The following MFGE8 variants were observed in gnomAD, a reference collection of about 807,000 sequenced individuals.
The protein encoded by MFGE8 is milk fat globule EGF and factor V/VIII domain containing.
A neutral mutation model predicts 42.6 loss-of-function variants in MFGE8; 34 were observed. That is an observed-to-expected ratio of 0.80 (90% confidence interval 0.61 to 1.06). The LOEUF (loss-of-function observed/expected upper bound fraction) is 1.06. Among genes scored for constraint, MFGE8 ranks in the 50% least tolerant of loss-of-function variants. MFGE8 has a pLI of 0.00. For synonymous variants in MFGE8, 230 were observed against 214.8 expected (o/e 1.07, Z -0.62); for missense variants, 510 against 516.9 (o/e 0.99, Z 0.13).
chr15:88,913,102 G>A (rs769849437), intron 1 of MFGE8, 145 bp downstream of exon 1: 894 of 1,317,652 alleles, frequency 6.8e-4, no homozygotes, highest in Non-Finnish European at 8.1e-4. Flanking sequence ...AGGGCGCAGC[G>A]GAAGAAGCCG....
intron 1 of MFGE8, chr15:88,912,016 G>T: frequency 1.2e-6 from 1 of 851,770 alleles, no homozygotes; most frequent in Non-Finnish European, 1.7e-6. Flanking sequence ...GTTGGGAATG[G>T]ACTCTTCCCT....
intron 6 of MFGE8, among the ~76,000 whole-genome samples, chr15:88,901,148 TTCTCACACACACATTCACACACATTC>T (rs2141693567): frequency 1.9e-5 from 1 of 51,988 alleles, no homozygotes; most frequent in East Asian, 4.1e-4. Flanking sequence ...CACACACACA[TTCTCACACACACATTCACACACATTC>T]TCACACATTC....
At chr15:88,909,755 T>C (rs377750590) in intron 2 of MFGE8, 37 bp downstream of exon 2, 100 of 1,612,864 alleles carry the variant, frequency 6.2e-5, no homozygotes, top group South Asian at 1.6e-4. Flanking sequence ...CAGGGTCTAC[T>C]GCTAGAAACA....
chr15:88,905,626 G>C lies in MFGE8; in HGVS notation c.685+131C>G, dbSNP rs141304669. ...GGTGACCCCCTAGAGTGCGTTGCCC[G>C]AGTGAAGCCTGGTCCCCGTGCCTTG... On this transcript the variant is annotated intron_variant, in intron 5 of 7. Transcript: ENST00000268150. The surrounding 1 kb of genome is among the most constrained non-coding windows in gnomAD (Gnocchi z 6.6). 4 of 1,287,508 alleles carry C rather than the reference G, an allele frequency of 3.1e-6. 1 individual carries two copies. In the South Asian group the frequency reaches 4.9e-5, roughly 16 times the overall value. The allele number at this position is 1,287,508 out of a possible 1,614,324, so 79.8% of individuals were successfully genotyped here. A position where few individuals can be genotyped will look rare whatever the true frequency, so the allele number is the denominator to read the frequency against.
intron 2 of MFGE8, among the ~76,000 whole-genome samples, chr15:88,907,680 A>G (rs12909463): frequency 0.66 from 99,017 of 149,742 alleles, 33,291 homozygotes; most frequent in African/African-American, 0.78. Context: ...GGGGACAGCC[A>G]TGATTGGCAC....
At chr15:88,904,970 T>C (rs3825992) in intron 5 of MFGE8, 6,924 of 156,338 alleles carry the variant, frequency 0.044, 232 homozygotes, top group East Asian at 0.16. Context: ...TACCCAGACC[T>C]CAGGAAAGCT....
chr15:88,901,175 TCACACATTCACA>T lies in MFGE8; in HGVS notation c.870+364_870+375del, dbSNP rs1221543529. Among the ~76,000 whole-genome samples, 10 of 63,458 alleles carry T rather than the reference TCACACATTCACA, an allele frequency of 1.6e-4. 2 individuals carry two copies. Among genetic ancestry groups the T allele is most frequent in the South Asian group, 4.9e-4 (1 of 2,040 alleles). The allele number at this position is 63,458 out of a possible 152,430, so 41.6% of individuals were successfully genotyped here. On this transcript the variant is annotated intron_variant, in intron 6 of 7. Coordinates refer to ENST00000268150, the MANE Select transcript of MFGE8 (RefSeq NM_005928.4). ...CTCACACACACATTCACACACATTC[TCACACATTCACA>T]CACACATTCACACATTCACACACAC... is the stretch of plus-strand genomic sequence containing the variant.
At chr15:88,912,390 A>G in intron 1 of MFGE8, 1 of 985,174 alleles carries the variant, frequency 1.0e-6, no homozygotes, top group Non-Finnish European at 1.2e-6. Context: ...GGTCAGGCAG[A>G]TCACAGGACA....
At position 88,906,170 on chromosome 15, in the gene MFGE8, A is replaced by G; in HGVS notation, c.541-269T>C. 1.8e-6 allele frequency: 1 copy of G among 548,554 alleles called. No individual in the cohort carries two copies. The highest frequency in any genetic ancestry group is 3.3e-6 in the Non-Finnish European group (1 of 305,154). The allele number at this position is 548,554 out of a possible 1,614,324, so 34.0% of individuals were successfully genotyped here. ...TGACACAGGGCCACCTGTAACCTAC[A>G]GGGTACCTCTTTGCAAATTAGGAAA... On this transcript the variant is annotated intron_variant, in intron 4 of 7. Coordinates refer to ENST00000268150, the MANE Select transcript of MFGE8 (RefSeq NM_005928.4). This position sits in a 1 kb window ranked among gnomAD's most constrained non-coding sequence, Gnocchi z 4.2.
At position 88,899,211 on chromosome 15, in the gene MFGE8, G is replaced by T; in HGVS notation, c.*184C>A. The T allele has an allele frequency of 2.6e-6, 2 of 773,928 alleles. No individual in the cohort carries two copies. The highest frequency in any genetic ancestry group is 3.4e-5 in the South Asian group (2 of 58,874). The allele number at this position is 773,928 out of a possible 1,614,324, so 47.9% of individuals were successfully genotyped here. A position where few individuals can be genotyped will look rare whatever the true frequency, so the allele number is the denominator to read the frequency against. On this transcript the variant is annotated 3_prime_UTR_variant, in exon 8 of 8. Coordinates refer to ENST00000268150, the MANE Select transcript of MFGE8 (RefSeq NM_005928.4). The surrounding 1 kb of genome is among the most constrained non-coding windows in gnomAD (Gnocchi z 6.8). ...GGTTAGGGGACGGGGCTTAGGGGCT[G>T]GGGCAGGGCCCGTGAGAGGTGGAGG...
intron 5 of MFGE8, chr15:88,904,337 C>G (rs2141704295): frequency 6.6e-6 from 1 of 152,002 alleles, no homozygotes; most frequent in South Asian, 2.1e-4. Context: ...CAGACCTCAG[C>G]CCCACCCACA....
chr15:88,900,105 G>A (rs939304452), intron 6 of MFGE8, among the ~76,000 whole-genome samples: 7 of 152,230 alleles, frequency 4.6e-5, no homozygotes, highest in Non-Finnish European at 1.0e-4. Context: ...AGCTGGGCAT[G>A]ATGGTGGCTG....
rs568871579 is a variant in MFGE8, at chr15:88,905,608, C to A, written c.685+149G>T. On this transcript the variant is annotated intron_variant, in intron 5 of 7. Transcript: ENST00000268150. This position sits in a 1 kb window ranked among gnomAD's most constrained non-coding sequence, Gnocchi z 6.6. ...GTGGGGCTGCTATGGCCAGGTGACC[C>A]CCTAGAGTGCGTTGCCCGAGTGAAG... The A allele has an allele frequency of 2.9e-6, 3 of 1,046,738 alleles. No homozygotes were observed. The East Asian group carries it at 7.7e-5, about 27-fold the overall frequency. 64.8% of individuals were successfully genotyped at this position (1,046,738 alleles called of 1,614,324 possible).
chr15:88,910,139 C>G lies in MFGE8; in HGVS notation c.74-216G>C, dbSNP rs1004197793. ...CGAATCGGCCCACATAAGGGAAGCGCCCAGCTTTCCAAGTGGCCTGGGAGT... is the reference window on the plus strand; with the variant it reads ...CGAATCGGCCCACATAAGGGAAGCGGCCAGCTTTCCAAGTGGCCTGGGAGT... On this transcript the variant is annotated intron_variant, in intron 1 of 7. Transcript: ENST00000268150. 16 of 536,996 alleles carry G rather than the reference C, an allele frequency of 3.0e-5. No individual in the cohort carries two copies. In the Admixed American group the frequency reaches 3.6e-4, roughly 12 times the overall value. 33.3% of individuals were successfully genotyped at this position (536,996 alleles called of 1,614,324 possible).
Position 88,902,751 on chromosome 15 carries a change from T to A in MFGE8, c.686-1016A>T, listed in dbSNP as rs1389178133. On this transcript the variant is annotated intron_variant, in intron 5 of 7. Transcript: ENST00000268150. The surrounding 1 kb of genome is among the most constrained non-coding windows in gnomAD (Gnocchi z 4.3). ...AGAGATACAACTCCCAAGAGAATGA[T>A]GGGGGTGTCTCCCACCTGGAAGAAT... The A allele has an allele frequency of 6.6e-6, 1 of 152,220 alleles. No individual in the cohort carries two copies. Among genetic ancestry groups the A allele is most frequent in the African/African-American group, 2.4e-5 (1 of 41,434 alleles). 9.4% of individuals were successfully genotyped at this position (152,220 alleles called of 1,614,324 possible).
chr15:88,901,804 T>G, intron 5 of MFGE8, 69 bp from the exon 6 acceptor site: 1 of 1,491,884 alleles, frequency 6.7e-7, no homozygotes, highest in South Asian at 1.1e-5. Context: ...CACAAGGCGA[T>G]GAAGCAGAAA....
chr15:88,905,383 G>C lies in MFGE8; in HGVS notation c.685+374C>G. The C allele has an allele frequency of 2.3e-6, 1 of 443,848 alleles. No individual in the cohort carries two copies. Among genetic ancestry groups the C allele is most frequent in the South Asian group, 1.7e-5 (1 of 57,546 alleles). 27.5% of individuals were successfully genotyped at this position (443,848 alleles called of 1,614,324 possible). ...AAACCAGACACCATTCTAGGCCCTG[G>C]GAATACCGAAGCAAACAAAACAGAC... On this transcript the variant is annotated intron_variant, in intron 5 of 7. Coordinates refer to ENST00000268150, the MANE Select transcript of MFGE8 (RefSeq NM_005928.4). This position sits in a 1 kb window ranked among gnomAD's most constrained non-coding sequence, Gnocchi z 6.6.
Position 88,905,234 on chromosome 15 carries a change from G to A in MFGE8, c.685+523C>T. ...AAGCTCTGGATGGGTGTGGTCGGGA[G>A]CCCAGAGATCTAGACCAAGTCTTAA... On this transcript the variant is annotated intron_variant, in intron 5 of 7. Transcript: ENST00000268150. The surrounding 1 kb of genome is among the most constrained non-coding windows in gnomAD (Gnocchi z 6.6). The A allele has an allele frequency of 3.0e-6, 1 of 334,110 alleles. No individual in the cohort carries two copies. The highest frequency in any genetic ancestry group is 2.4e-5 in the South Asian group (1 of 41,882). The allele number at this position is 334,110 out of a possible 1,614,324, so 20.7% of individuals were successfully genotyped here. A position where few individuals can be genotyped will look rare whatever the true frequency, so the allele number is the denominator to read the frequency against.
chr15:88,901,007 A>ACACACACACATT (rs1392171890), intron 6 of MFGE8, among the ~76,000 whole-genome samples: 53,504 of 144,774 alleles, frequency 0.37, 10,472 homozygotes, highest in Non-Finnish European at 0.44. Flanking sequence ...ACACATTCAC[A>ACACACACACATT]CACACACACA....
Sources: allele counts gnomAD v4.1 joint callset (sites outside exome capture counted in the v4.1 genomes callset), GRCh38; gene constraint gnomAD v4.1.1; non-coding constraint Gnocchi (gnomAD v3.1); transcripts MANE v1.5; gene names NCBI Gene and HGNC (gene_info 2026-07-23, HGNC 2026-07-21).